The following CHPF2 variants were observed in gnomAD, a reference collection of about 807,000 sequenced individuals.
The protein encoded by CHPF2 is chondroitin polymerizing factor 2.
CHPF2 carries 58 observed loss-of-function variants against 63.0 expected under a neutral mutation model. The ratio of observed to expected loss-of-function variants is 0.92; its 90% CI spans 0.75 to 1.15. The LOEUF (loss-of-function observed/expected upper bound fraction) is 1.15. Among genes scored for constraint, CHPF2 ranks in the 50% most tolerant of loss-of-function variants. The pLI is 0.00. For missense variants in CHPF2, 1,045 were observed against 1,035.4 expected, an observed-to-expected ratio of 1.01 and a Z score of -0.13; for synonymous variants, 442 against 438.0, an observed-to-expected ratio of 1.01 and a Z score of -0.11.
chr7:151,233,344 C>T lies in CHPF2; in HGVS notation c.-668C>T. 2.0e-6 allele frequency: 2 copies of T among 986,126 alleles called. No homozygotes were observed. Among genetic ancestry groups the T allele is most frequent in the East Asian group, 1.1e-4 (1 of 8,824 alleles). 61.1% of individuals were successfully genotyped at this position (986,126 alleles called of 1,614,324 possible). ...GAACTTATGTGTGCCATGCGAGTGG[C>T]TCCAGACCGCTCCTGAGTGGGAGGA... On this transcript the variant is annotated 5_prime_UTR_variant, in exon 1 of 4. Coordinates refer to ENST00000035307, the MANE Select transcript of CHPF2 (RefSeq NM_019015.3).
Position 151,235,103 on chromosome 7 carries a change from C to T in CHPF2, c.319C>T (p.Leu107=), listed in dbSNP as rs755344162. ...CCGTGAGCGGTTGCTGGTGGCTGTCCTGACCTCCCGAGCTACACTGTCCAC... is the reference window on the plus strand; with the variant it reads ...CCGTGAGCGGTTGCTGGTGGCTGTCTTGACCTCCCGAGCTACACTGTCCAC... ...GSRERLLVAV[L]TSRATLSTLA... is the part of the protein sequence containing the mutation. The change falls in exon 2 of 4, where the codon CTG becomes TTG. Residue 107 remains leucine, a synonymous_variant. Coordinates refer to ENST00000035307, the MANE Select transcript of CHPF2 (RefSeq NM_019015.3). 1 of 1,596,600 alleles carries T rather than the reference C, an allele frequency of 6.3e-7. No individual in the cohort carries two copies. The highest frequency in any genetic ancestry group is 2.2e-5 in the East Asian group (1 of 44,550).
Position 151,237,694 on chromosome 7 carries a change from C to T in CHPF2, c.1332C>T (p.Tyr444=). The change falls in exon 4 of 4, where the codon TAC becomes TAT. Residue 444 remains tyrosine, a synonymous_variant. Transcript: ENST00000035307. Reference sequence around the variant, plus strand: ...TCGACCCAGCACGGGGCATGGAGTACACCCTGGACCTGCTGTTGGAATGTG... The same window carrying T: ...TCGACCCAGCACGGGGCATGGAGTATACCCTGGACCTGCTGTTGGAATGTG... ...RRFDPARGME[Y]TLDLLLECVT... 1 of 1,613,058 alleles carries T rather than the reference C, an allele frequency of 6.2e-7. No homozygotes were observed. Among genetic ancestry groups the T allele is most frequent in the Non-Finnish European group, 8.5e-7 (1 of 1,179,926 alleles).
Position 151,238,130 on chromosome 7 carries a change from T to G in CHPF2, c.1768T>G (p.Phe590Val), listed in dbSNP as rs868537248. 6.2e-7 allele frequency: 1 copy of G among 1,612,388 alleles called. No homozygotes were observed. Among genetic ancestry groups the G allele is most frequent in the African/African-American group, 1.3e-5 (1 of 75,062 alleles). ...VSKKHPVDTL[F>V]FLTTVWTRPG... is the part of the protein sequence containing the mutation. ...GAAGAAGCACCCTGTGGACACTCTC[T>G]TCTTCCTTACCACCGTGTGGACAAG... Residue 590 changes from phenylalanine to valine, a missense_variant, in exon 4 of 4, where the codon TTC (phenylalanine) becomes GTC (valine). By Grantham distance (50) the Phe-to-Val change is conservative. Transcript: ENST00000035307.
rs1802505261 is a variant in CHPF2, at chr7:151,232,722, G to T, written c.-1290G>T. The T allele has an allele frequency of 1.3e-6, 2 of 1,500,022 alleles. No homozygotes were observed. Among genetic ancestry groups the T allele is most frequent in the Non-Finnish European group, 1.8e-6 (2 of 1,130,618 alleles). 92.9% of individuals were successfully genotyped at this position (1,500,022 alleles called of 1,614,324 possible). ...GCCCTGAAACCCGGGCCTCCTCCCCGAGGGCCTTGGGCGTCCCTCCTGGTC... is the reference window on the plus strand; with the variant it reads ...GCCCTGAAACCCGGGCCTCCTCCCCTAGGGCCTTGGGCGTCCCTCCTGGTC... On this transcript the variant is annotated 5_prime_UTR_variant, in exon 1 of 4. Coordinates refer to ENST00000035307, the MANE Select transcript of CHPF2 (RefSeq NM_019015.3).
chr7:151,237,743 G>T lies in CHPF2; in HGVS notation c.1381G>T (p.Ala461Ser), dbSNP rs772776946. 1 of 1,612,338 alleles carries T rather than the reference G, an allele frequency of 6.2e-7. No individual in the cohort carries two copies. The highest frequency in any genetic ancestry group is 1.3e-5 in the African/African-American group (1 of 74,942). Residue 461 changes from alanine to serine, a missense_variant, in exon 4 of 4, where the codon GCC becomes TCC. Transcript: ENST00000035307. ...TGTGACACAGCGTGGGCACCGGCGG[G>T]CCCTGGCTCGCAGGGTCAGCCTGCT... The part of the protein sequence containing the change: ...ECVTQRGHRR[A>S]LARRVSLLRP...
At position 151,238,580 on chromosome 7, in the gene CHPF2, G is replaced by C. The variant is rs765831422; in HGVS notation, c.2218G>C (p.Glu740Gln). 2.5e-6 allele frequency: 4 copies of C among 1,613,172 alleles called. No homozygotes were observed. The East Asian group carries it at 8.9e-5, about 36-fold the overall frequency. Residue 740 changes from glutamate (E) to glutamine (Q), a missense_variant, in exon 4 of 4, where the codon GAA becomes CAA. Glu to Gln is a conservative substitution (Grantham distance 29, BLOSUM62 2). Transcript: ENST00000035307. The part of the protein sequence containing the change: ...LRDCSPRLSE[E>Q]LYHRCRLSNL... ...AGACTGCAGCCCACGGCTCAGTGAA[G>C]AACTCTACCACCGCTGCCGCCTCAG... is the stretch of plus-strand genomic sequence containing the variant.
rs753847745 is a variant in CHPF2 at position 151,237,886 on chromosome 7, G to A, written c.1524G>A (p.Glu508=). Residue 508 remains glutamate, a synonymous_variant, in exon 4 of 4, where the codon GAG becomes GAA. Transcript: ENST00000035307. ...CTGCTGCAGCCCCGGCTTTCCTCGA[G>A]GCCTTTGCAGCCAATGTCCTGGAGC... The part of the protein sequence containing the change: ...AEAAAAPAFL[E]AFAANVLEPR... 7.4e-6 allele frequency: 12 copies of A among 1,612,762 alleles called. No individual in the cohort carries two copies. The highest frequency in any genetic ancestry group is 1.0e-5 in the Non-Finnish European group (12 of 1,179,984).
chr7:151,234,999 G>T (rs1452879664), intron 1 of CHPF2, 49 bp from the exon 2 acceptor site: 1 of 1,444,088 alleles, frequency 6.9e-7, no homozygotes, highest in African/African-American at 1.4e-5. Context: ...AACAAGCTGG[G>T]TTCCTAAAGA....
intron 1 of CHPF2, among the ~76,000 whole-genome samples, chr7:151,234,615 G>T (rs1360830470): frequency 3.3e-5 from 5 of 152,066 alleles, no homozygotes; most frequent in African/African-American, 1.2e-4. Context: ...CCTCAGCCTT[G>T]CGAGTAGCTG....
At position 151,233,608 on chromosome 7, in the gene CHPF2, T is replaced by A; in HGVS notation, c.-404T>A. On this transcript the variant is annotated 5_prime_UTR_variant, in exon 1 of 4. Coordinates refer to ENST00000035307, the MANE Select transcript of CHPF2 (RefSeq NM_019015.3). ...TCGTGTGCTTTTCCCTTACCTCTTATCACTTGCTGTCATCTGTTGACTTAG... is the reference window on the plus strand; with the variant it reads ...TCGTGTGCTTTTCCCTTACCTCTTAACACTTGCTGTCATCTGTTGACTTAG... 1.0e-6 allele frequency: 1 copy of A among 993,278 alleles called. No homozygotes were observed. Among genetic ancestry groups the A allele is most frequent in the Middle Eastern group, 5.1e-4 (1 of 1,956 alleles). 61.5% of individuals were successfully genotyped at this position (993,278 alleles called of 1,614,324 possible). A position where few individuals can be genotyped will look rare whatever the true frequency, so the allele number is the denominator to read the frequency against.
In CHPF2 at chr7:151,238,272, C is replaced by T. The variant is rs771491933; in HGVS notation, c.1910C>T (p.Pro637Leu). The T allele has an allele frequency of 4.3e-6, 7 of 1,612,142 alleles. No homozygotes were observed. The highest frequency in any genetic ancestry group is 3.3e-5 in the Admixed American group (2 of 60,016). ...GCCCTGTCACCACAGAGATCACCCC[C>T]AGGGCCCCCGGGGGCTGGCCCTGAC... ...NPALSPQRSP[P>L]GPPGAGPDPP... The change falls in exon 4 of 4, where the codon CCA (proline) becomes CTA (leucine). Residue 637 changes from proline (P) to leucine (L), a missense_variant. Pro to Leu is a moderately conservative substitution (Grantham distance 98). Transcript: ENST00000035307.
At position 151,232,676 on chromosome 7, in the gene CHPF2, T is replaced by C. The variant is rs1174998551; in HGVS notation, c.-1336T>C. The C allele has an allele frequency of 1.5e-6, 2 of 1,352,416 alleles. No individual in the cohort carries two copies. The highest frequency in any genetic ancestry group is 2.9e-5 in the East Asian group (1 of 34,284). 83.8% of individuals were successfully genotyped at this position (1,352,416 alleles called of 1,614,324 possible). ...GCCGGGAGACCCCGGCCGTCCTTTA[T>C]CCGGTGTCCGCCGGCCCCCGGCCCT... is the stretch of plus-strand genomic sequence containing the variant. On this transcript the variant is annotated 5_prime_UTR_variant, in exon 1 of 4. Coordinates refer to ENST00000035307, the MANE Select transcript of CHPF2 (RefSeq NM_019015.3).
Position 151,232,513 on chromosome 7 carries a change from G to A in CHPF2, c.-1499G>A, listed in dbSNP as rs1554484167. 6.0e-6 allele frequency: 3 copies of A among 500,756 alleles called. No individual in the cohort carries two copies. Among genetic ancestry groups the A allele is most frequent in the Non-Finnish European group, 1.1e-5 (3 of 285,042 alleles). 31.0% of individuals were successfully genotyped at this position (500,756 alleles called of 1,614,324 possible). A position where few individuals can be genotyped will look rare whatever the true frequency, so the allele number is the denominator to read the frequency against. On this transcript the variant is annotated 5_prime_UTR_variant, in exon 1 of 4. Transcript: ENST00000035307. ...AAGCTGCGGACAGGGGCTGTGAGGT[G>A]GCAGCGGCTGCAGCGGCGGAGCCGG... is the stretch of plus-strand genomic sequence containing the variant.
rs747230862 is a variant in CHPF2, at chr7:151,235,294, C to T, written c.510C>T (p.His170=). 1 of 1,614,020 alleles carries T rather than the reference C, an allele frequency of 6.2e-7. No individual in the cohort carries two copies. The highest frequency in any genetic ancestry group is 8.5e-7 in the Non-Finnish European group (1 of 1,180,038). Residue 170 remains histidine (H), a synonymous_variant, in exon 2 of 4, where the codon CAC becomes CAT. Transcript: ENST00000035307. ...AGACCCTGCGCCACCTTCACACACACTTTGGGGCCGACTACGACTGGTTCT... is the reference window on the plus strand; with the variant it reads ...AGACCCTGCGCCACCTTCACACACATTTTGGGGCCGACTACGACTGGTTCT... The part of the protein sequence containing the change: ...MSETLRHLHT[H]FGADYDWFFI...
In CHPF2 at chr7:151,235,533, T is replaced by G; in HGVS notation, c.749T>G (p.Ile250Ser). 6.2e-7 allele frequency: 1 copy of G among 1,611,264 alleles called. No individual in the cohort carries two copies. Among genetic ancestry groups the G allele is most frequent in the South Asian group, 1.1e-5 (1 of 91,084 alleles). ...CATCTGGATGGCTGCCGAGGAGACA[T>G]TCTCAGTGCCCGTCCTGACGAGTGG... is the stretch of plus-strand genomic sequence containing the variant. ...RPHLDGCRGD[I>S]LSARPDEWLG... The change falls in exon 2 of 4, where the codon ATT becomes AGT. Residue 250 changes from isoleucine to serine, a missense_variant. Ile to Ser is a moderately radical substitution (Grantham distance 142). Coordinates refer to ENST00000035307, the MANE Select transcript of CHPF2 (RefSeq NM_019015.3).
rs1802527010 is a variant in CHPF2, at chr7:151,233,311, G to T, written c.-701G>T. ...CTGAGTCACCGATCTACCTCATTCG[G>T]GTGGGCAGAACTTATGTGTGCCATG... On this transcript the variant is annotated 5_prime_UTR_variant, in exon 1 of 4. Transcript: ENST00000035307. 15 of 987,178 alleles carry T rather than the reference G, an allele frequency of 1.5e-5. No individual in the cohort carries two copies. Among genetic ancestry groups the T allele is most frequent in the Non-Finnish European group, 1.6e-5 (13 of 831,094 alleles). 61.2% of individuals were successfully genotyped at this position (987,178 alleles called of 1,614,324 possible).
In CHPF2 at chr7:151,235,180, C is replaced by T. The variant is rs752320795; in HGVS notation, c.396C>T (p.Leu132=). ...RTVAHHFPRL[L]YFTGQRGARA... ...TGGCCCATCACTTCCCTCGGTTACT[C>T]TACTTCACTGGGCAGCGGGGGGCCC... is the stretch of plus-strand genomic sequence containing the variant. The change falls in exon 2 of 4, where the codon CTC becomes CTT. Residue 132 remains leucine (L), a synonymous_variant. Coordinates refer to ENST00000035307, the MANE Select transcript of CHPF2 (RefSeq NM_019015.3). The T allele has an allele frequency of 6.2e-7, 1 of 1,613,458 alleles. No individual in the cohort carries two copies. The highest frequency in any genetic ancestry group is 8.5e-7 in the Non-Finnish European group (1 of 1,179,740).
Position 151,233,416 on chromosome 7 carries a change from A to G in CHPF2, c.-596A>G, listed in dbSNP as rs1802532206. On this transcript the variant is annotated 5_prime_UTR_variant, in exon 1 of 4. Transcript: ENST00000035307. ...TCTTCTCAAACACGGGGAGCAGAGT[A>G]GAAAGAGGCTCTGGCCCCTTCCCTT... 1.0e-6 allele frequency: 1 copy of G among 985,592 alleles called. No homozygotes were observed. The highest frequency in any genetic ancestry group is 1.7e-5 in the African/African-American group (1 of 57,260). 61.1% of individuals were successfully genotyped at this position (985,592 alleles called of 1,614,324 possible).
At position 151,233,908 on chromosome 7, in the gene CHPF2, G is replaced by T. The variant is rs778712444; in HGVS notation, c.-104G>T. Reference sequence around the variant, plus strand: ...CTGTCTTTGGCCTCATTGACCCCAGGTTCTCTGGTTAAAACTGAAAGCCTA... The same window carrying T: ...CTGTCTTTGGCCTCATTGACCCCAGTTTCTCTGGTTAAAACTGAAAGCCTA... On this transcript the variant is annotated 5_prime_UTR_variant, in exon 1 of 4. Transcript: ENST00000035307. 5.1e-6 allele frequency: 7 copies of T among 1,377,764 alleles called. No homozygotes were observed. In the East Asian group the frequency reaches 1.6e-4, roughly 32 times the overall value. 85.3% of individuals were successfully genotyped at this position (1,377,764 alleles called of 1,614,324 possible).
Sources: gnomAD v4.1 joint callset for allele counts (sites outside exome capture counted in the v4.1 genomes callset) on GRCh38, gnomAD v4.1.1 for gene constraint, MANE v1.5 for transcripts, NCBI Gene and HGNC (gene_info 2026-07-23, HGNC 2026-07-21) for gene names.